The following NRXN1 variants were observed in gnomAD, a reference collection of about 807,000 sequenced individuals.
The protein encoded by NRXN1 is neurexin 1, also known as neurexin-1.
In NRXN1, 39 loss-of-function variants were observed where a neutral mutation model predicts 150.9. The observed-to-expected ratio is 0.26, with a 90% CI of 0.20 to 0.34. The LOEUF (loss-of-function observed/expected upper bound fraction) is 0.34. Ranked by LOEUF, NRXN1 falls within the 10% of genes least tolerant of loss-of-function variation. NRXN1 has a pLI of 1.00. For missense variants in NRXN1, 1,815 were observed against 1,949.9 expected (o/e 0.93, Z 1.30); for synonymous variants, 924 against 757.0 (o/e 1.22, Z -3.62).
chr2:50,157,703 T>C (rs2059109266), intron 18 of NRXN1, among the ~76,000 whole-genome samples: 1 of 151,810 alleles, frequency 6.6e-6, no homozygotes, highest in Non-Finnish European at 1.5e-5. Context: ...GCAGTAAGAA[T>C]GGAGAGGAAG....
At position 50,218,354 on chromosome 2, in the gene NRXN1, G is replaced by A. The variant is rs147907580; in HGVS notation, c.3546+18435C>T. 8.7e-3 allele frequency among the ~76,000 whole-genome samples: 1,328 copies of A among 151,992 alleles called. 9 individuals are homozygous for A. Among genetic ancestry groups the A allele is most frequent in the Middle Eastern group, 0.027 (8 of 292 alleles). On this transcript the variant is annotated intron_variant, in intron 18 of 22. Coordinates refer to ENST00000401669, the MANE Select transcript of NRXN1 (RefSeq NM_001330078.2). Reference sequence around the variant, plus strand: ...TGGGTGACAGTTAGCTCCCAGACACGTTTTTGAAGAGATCTACCAGCTCTT... The same window carrying A: ...TGGGTGACAGTTAGCTCCCAGACACATTTTTGAAGAGATCTACCAGCTCTT...
intron 2 of NRXN1, among the ~76,000 whole-genome samples, chr2:50,960,384 A>C (rs980055184): frequency 1.5e-5 from 2 of 133,448 alleles, no homozygotes; most frequent in African/African-American, 5.7e-5. Flanking sequence ...AACTTTTCTT[A>C]AGTAGTCCTC....
chr2:50,177,778 T>A (rs79865042), intron 18 of NRXN1, among the ~76,000 whole-genome samples: 3 of 12,288 alleles, frequency 2.4e-4, no homozygotes, highest in East Asian at 2.9e-3. Context: ...TAACTAACTC[T>A]CTCTCTCTCT....
chr2:50,949,515 C>T (rs1157688505), intron 2 of NRXN1, among the ~76,000 whole-genome samples: 5 of 152,006 alleles, frequency 3.3e-5, no homozygotes, highest in Admixed American at 1.3e-4. Flanking sequence ...AATTCTGATA[C>T]AATAATTCTG....
chr2:51,002,417 T>C (rs1700187294), intron 2 of NRXN1, among the ~76,000 whole-genome samples: 1 of 151,986 alleles, frequency 6.6e-6, no homozygotes, highest in South Asian at 2.1e-4. Context: ...TTATTCAATA[T>C]TGTGAGAGTT....
chr2:50,951,762 C>G (rs1184336431), intron 2 of NRXN1, among the ~76,000 whole-genome samples: 1 of 151,794 alleles, frequency 6.6e-6, no homozygotes. Context: ...TGAACATCTG[C>G]ATATTGAGAT....
intron 2 of NRXN1, among the ~76,000 whole-genome samples, chr2:50,934,844 A>G (rs993638688): frequency 3.3e-5 from 5 of 152,328 alleles, no homozygotes; most frequent in African/African-American, 1.2e-4. Context: ...TAAACCTGAT[A>G]AAAATTTTAT....
rs1023703870 is a variant in NRXN1 at position 50,600,616 on chromosome 2, C to T, written c.1320+19406G>A. On this transcript the variant is annotated intron_variant, in intron 8 of 22. Transcript: ENST00000401669. Reference sequence around the variant, plus strand: ...CTGGGATTACAGGCATAAGCCATCACGCCCAGCCAAGTCTTGCTTTTTGGG... The same window carrying T: ...CTGGGATTACAGGCATAAGCCATCATGCCCAGCCAAGTCTTGCTTTTTGGG... Among the ~76,000 whole-genome samples the T allele has an allele frequency of 7.2e-5, 11 of 152,204 alleles. No homozygotes were observed. The East Asian group carries it at 7.7e-4, about 11-fold the overall frequency.
chr2:50,472,620 C>T lies in NRXN1; in HGVS notation c.3071-149G>A, dbSNP rs2075233. 0.54 allele frequency: 317,398 copies of T among 586,552 alleles called. 87,519 individuals carry two copies. The highest frequency in any genetic ancestry group is 0.61 in the Middle Eastern group (1,294 of 2,138). 36.3% of individuals were successfully genotyped at this position (586,552 alleles called of 1,614,324 possible). Reference sequence around the variant, plus strand: ...TAGCTGTTTTCCCCAAAGTGCTAAACAATAGAGACGTTTGAATAATATACT... The same window carrying T: ...TAGCTGTTTTCCCCAAAGTGCTAAATAATAGAGACGTTTGAATAATATACT... On this transcript the variant is annotated intron_variant, in intron 15 of 22. Transcript: ENST00000401669.
intron 18 of NRXN1, among the ~76,000 whole-genome samples, chr2:50,220,422 C>A (rs2063796695): frequency 6.6e-6 from 1 of 151,964 alleles, no homozygotes; most frequent in South Asian, 2.1e-4. Flanking sequence ...TGAAAAGATG[C>A]AGAATGCCTT....
intron 5 of NRXN1, among the ~76,000 whole-genome samples, chr2:50,637,874 T>TA (rs1289787554): frequency 4.1e-4 from 61 of 150,602 alleles, no homozygotes; most frequent in African/African-American, 1.4e-3. Context: ...GATCTAGTAT[T>TA]TAAAAAAAAA....
chr2:50,032,192 A>G (rs569908012), intron 21 of NRXN1, among the ~76,000 whole-genome samples: 38 of 152,210 alleles, frequency 2.5e-4, no homozygotes, highest in African/African-American at 8.9e-4. Context: ...GTCTGGTGAC[A>G]TGTACAAGAC....
At chr2:50,167,475 A>C (rs1032329671) in intron 18 of NRXN1, among the ~76,000 whole-genome samples, 9 of 152,064 alleles carry the variant, frequency 5.9e-5, no homozygotes. Context: ...CCATACTGGC[A>C]TCTGGTGCTA....
chr2:50,058,874 T>C (rs1694057494), intron 19 of NRXN1, among the ~76,000 whole-genome samples: 1 of 152,204 alleles, frequency 6.6e-6, no homozygotes, highest in South Asian at 2.1e-4. Flanking sequence ...CTGCCATGAT[T>C]GTGAGGCCTC....
At chr2:51,003,634 C>T (rs947399525) in intron 2 of NRXN1, among the ~76,000 whole-genome samples, 1 of 151,884 alleles carries the variant, frequency 6.6e-6, no homozygotes, top group African/African-American at 2.4e-5. Flanking sequence ...AAACTAGATG[C>T]ACTACATGTA....
intron 8 of NRXN1, 69 bp downstream of exon 8, chr2:50,619,953 T>G: frequency 7.3e-7 from 1 of 1,374,098 alleles, no homozygotes; most frequent in Admixed American, 2.7e-5. Flanking sequence ...TCAGCAAAGG[T>G]GCTTTCATGC....
In NRXN1 at chr2:50,495,962, T is replaced by C. The variant is rs200444860; in HGVS notation, c.3013A>G (p.Ile1005Val). Residue 1005 changes from isoleucine to valine, a missense_variant, in exon 15 of 23, where the codon ATT becomes GTT. Ile to Val is a conservative substitution (Grantham distance 29, BLOSUM62 3). Coordinates refer to ENST00000401669, the MANE Select transcript of NRXN1 (RefSeq NM_001330078.2). Reference protein sequence around the residue: ...RDTSNLHTVKIDTKITTQITA... With the variant: ...RDTSNLHTVKVDTKITTQITA... ...ATTTGCGTTGTGATTTTTGTGTCAA[T>C]CTTTACAGTGTGGAGGTTGCTGGTG... 6.2e-7 allele frequency: 1 copy of C among 1,612,214 alleles called. No homozygotes were observed. The highest frequency in any genetic ancestry group is 2.2e-5 in the East Asian group (1 of 44,864).
At position 50,583,594 on chromosome 2, in the gene NRXN1, T is replaced by C. The variant is rs114006487; in HGVS notation, c.1321-30569A>G. On this transcript the variant is annotated intron_variant, in intron 8 of 22. Coordinates refer to ENST00000401669, the MANE Select transcript of NRXN1 (RefSeq NM_001330078.2). ...ACTGCCTAGCACAACACTCGATATA[T>C]AGGGGTACTCATCTAATGTTTGAAG... 3.0e-3 allele frequency among the ~76,000 whole-genome samples: 462 copies of C among 152,276 alleles called. 1 individual carries two copies. Among genetic ancestry groups the C allele is most frequent in the Non-Finnish European group, 5.1e-3 (346 of 68,016 alleles).
chr2:50,708,154 T>C (rs920423652), intron 5 of NRXN1, among the ~76,000 whole-genome samples: 5 of 152,180 alleles, frequency 3.3e-5, no homozygotes, highest in Non-Finnish European at 5.9e-5. Context: ...TATAAATGAA[T>C]CTGAAAGTTA....
Sources: gnomAD v4.1 joint callset for allele counts (sites outside exome capture counted in the v4.1 genomes callset) on GRCh38, gnomAD v4.1.1 for gene constraint, MANE v1.5 for transcripts, NCBI Gene and HGNC (gene_info 2026-07-23, HGNC 2026-07-21) for gene names.